The following PRMT8 variants were observed in gnomAD, a reference collection of about 807,000 sequenced individuals.
PRMT8 encodes the protein protein arginine methyltransferase 8.
PRMT8 carries 7 observed loss-of-function variants against 47.1 expected under a neutral mutation model. That is an observed-to-expected ratio of 0.15 (90% CI 0.08 to 0.28). The LOEUF (loss-of-function observed/expected upper bound fraction) is 0.28. Ranked by LOEUF, PRMT8 falls within the 10% of genes least tolerant of loss-of-function variation. PRMT8 has a pLI of 1.00. For missense variants in PRMT8, 237 were observed against 505.4 expected (o/e 0.47, Z 5.09); for synonymous variants, 188 against 186.5 (o/e 1.01, Z -0.07).
chr12:3,396,526 C>T (rs1018046817), intron 1 of PRMT8, among the ~76,000 whole-genome samples: 29 of 152,286 alleles, frequency 1.9e-4, no homozygotes, highest in Admixed American at 7.2e-4. Flanking sequence ...TCTTTGAGAA[C>T]GTTGAATATT....
intron 1 of PRMT8, among the ~76,000 whole-genome samples, chr12:3,410,916 C>G (rs1473409096): frequency 6.6e-6 from 1 of 152,176 alleles, no homozygotes; most frequent in African/African-American, 2.4e-5. Flanking sequence ...AAGTTCTAAA[C>G]ATTGTGTCTG....
In PRMT8 at chr12:3,392,824, A is replaced by T. The variant is rs377625068; in HGVS notation, c.48+11382A>T. On this transcript the variant is annotated intron_variant, in intron 1 of 9. Coordinates refer to the PRMT8 transcript ENST00000452611. ...AATGGTTGAACTAGTTTACAGTCCC[A>T]CCAACAGTGTAAAAGTGTTCCTATT... 3.0e-4 allele frequency among the ~76,000 whole-genome samples: 45 copies of T among 152,140 alleles called. No individual in the cohort carries two copies. The East Asian group carries it at 5.6e-3, about 19-fold the overall frequency.
At chr12:3,527,647 T>G (rs1865967580) in intron 1 of PRMT8, among the ~76,000 whole-genome samples, 1 of 152,154 alleles carries the variant, frequency 6.6e-6, no homozygotes, top group Non-Finnish European at 1.5e-5. Flanking sequence ...TTCCTATGTA[T>G]TTATAATTCT....
rs1308893877 is a variant in PRMT8 at position 3,557,361 on chromosome 12, G to C, written c.481+3647G>C. ...GTGATGGGCCGTGGGATCTAAGCTGGGCCAGGAAGGAAGCGGAGAAGGATG... is the reference window on the plus strand; with the variant it reads ...GTGATGGGCCGTGGGATCTAAGCTGCGCCAGGAAGGAAGCGGAGAAGGATG... On this transcript the variant is annotated intron_variant, in intron 4 of 9. Transcript: ENST00000382622. The surrounding 1 kb of genome is among the most constrained non-coding windows in gnomAD (Gnocchi z 4.7). Among the ~76,000 whole-genome samples the C allele has an allele frequency of 6.6e-6, 1 of 152,150 alleles. No individual in the cohort carries two copies. The highest frequency in any genetic ancestry group is 1.5e-5 in the Non-Finnish European group (1 of 68,028).
intron 1 of PRMT8, among the ~76,000 whole-genome samples, chr12:3,427,293 T>C (rs1864615770): frequency 6.6e-6 from 1 of 152,208 alleles, no homozygotes; most frequent in Non-Finnish European, 1.5e-5. Context: ...GTAAAATTTT[T>C]ATAGACTCTT....
intron 1 of PRMT8, among the ~76,000 whole-genome samples, chr12:3,440,135 C>A (rs1252226571): frequency 2.0e-5 from 3 of 152,264 alleles, no homozygotes; most frequent in South Asian, 4.1e-4. Flanking sequence ...AGATATTAGA[C>A]CTTGATAATT....
rs111362519 is a variant in PRMT8, at chr12:3,408,883, A to G, written c.48+27441A>G. Among the ~76,000 whole-genome samples, 373 of 152,262 alleles carry G rather than the reference A, an allele frequency of 2.4e-3. 7 individuals are homozygous for G. The South Asian group carries it at 0.03, about 12-fold the overall frequency. On this transcript the variant is annotated intron_variant, in intron 1 of 9. Coordinates refer to the PRMT8 transcript ENST00000452611. ...AGTGCCTCAGTAGTCTAGGCTGCAGAAGTTTGTGGCAGCAGTGTATGCTGT... is the reference window on the plus strand; with the variant it reads ...AGTGCCTCAGTAGTCTAGGCTGCAGGAGTTTGTGGCAGCAGTGTATGCTGT...
rs1866824411 is a variant in PRMT8 at position 3,570,357 on chromosome 12, G to A, written c.712+793G>A. Among the ~76,000 whole-genome samples the A allele has an allele frequency of 6.6e-6, 1 of 152,150 alleles. No individual in the cohort carries two copies. Among genetic ancestry groups the A allele is most frequent in the Non-Finnish European group, 1.5e-5 (1 of 68,028 alleles). On this transcript the variant is annotated intron_variant, in intron 6 of 9. Coordinates refer to ENST00000382622, the MANE Select transcript of PRMT8 (RefSeq NM_019854.5). This position sits in a 1 kb window ranked among gnomAD's most constrained non-coding sequence, Gnocchi z 5.5. Reference sequence around the variant, plus strand: ...AACATGTTTTTGTAAAGTTGAACATGGCTGTGTCTCCTCAACCAGAACCAA... The same window carrying A: ...AACATGTTTTTGTAAAGTTGAACATAGCTGTGTCTCCTCAACCAGAACCAA...
Position 3,583,245 on chromosome 12 carries a change from T to TCC in PRMT8, c.979+39_979+40dup, listed in dbSNP as rs769589541. ...GTTGCTTCCCAGAGCCTCCTCCCTC[T>TCC]CCCATGCTTCCTCAAGTCTTTGTGG... is the stretch of plus-strand genomic sequence containing the variant. On this transcript the variant is annotated intron_variant, in intron 8 of 9. Transcript: ENST00000382622. This position sits in a 1 kb window ranked among gnomAD's most constrained non-coding sequence, Gnocchi z 4.7. 1.1e-5 allele frequency: 18 copies of TCC among 1,575,560 alleles called. No homozygotes were observed. The Admixed American group carries it at 3.3e-4, about 29-fold the overall frequency.
intron 4 of PRMT8, among the ~76,000 whole-genome samples, chr12:3,565,700 C>CT (rs1866708115): frequency 6.6e-6 from 1 of 152,156 alleles, no homozygotes; most frequent in African/African-American, 2.4e-5. Context: ...TCTATATCGT[C>CT]TGTCTATCTA....
intron 6 of PRMT8, among the ~76,000 whole-genome samples, chr12:3,573,164 AT>A: frequency 6.6e-6 from 1 of 150,834 alleles, no homozygotes; most frequent in Non-Finnish European, 1.5e-5. Context: ...TGGATCCTCT[AT>A]TTTTTTCACC....
chr12:3,406,219 G>A (rs564936790), intron 1 of PRMT8, among the ~76,000 whole-genome samples: 1 of 152,344 alleles, frequency 6.6e-6, no homozygotes, highest in Admixed American at 6.5e-5. Context: ...GGGATTCAGG[G>A]GACAAGGTTC....
chr12:3,422,900 C>T (rs1864558582), intron 1 of PRMT8, among the ~76,000 whole-genome samples: 1 of 152,214 alleles, frequency 6.6e-6, no homozygotes, highest in South Asian at 2.1e-4. Flanking sequence ...TATCACTACC[C>T]ACGTCTTCTT....
intron 2 of PRMT8, among the ~76,000 whole-genome samples, chr12:3,548,102 A>C (rs1370455361): frequency 2.0e-5 from 3 of 152,216 alleles, no homozygotes; most frequent in Non-Finnish European, 4.4e-5. Flanking sequence ...ATTTTTGGTA[A>C]AGGTGACAAG....
chr12:3,489,838 C>T (rs1185700886), upstream of PRMT8, among the ~76,000 whole-genome samples: 1 of 140,274 alleles, frequency 7.1e-6, no homozygotes. Flanking sequence ...CACACACGCG[C>T]GCACACACAC....
intron 2 of PRMT8, 92 bp from the exon 3 acceptor site, chr12:3,549,844 G>A: frequency 6.8e-7 from 1 of 1,466,482 alleles, no homozygotes; most frequent in Non-Finnish European, 9.4e-7. Flanking sequence ...CTCCTGAAGG[G>A]TCACCTGGGG....
intron 1 of PRMT8, among the ~76,000 whole-genome samples, chr12:3,464,131 A>G (rs1419652813): frequency 3.9e-5 from 6 of 152,214 alleles, no homozygotes; most frequent in Non-Finnish European, 5.9e-5. Context: ...ACGGCACGTT[A>G]TTTTTATTAA....
chr12:3,424,991 G>A lies in PRMT8; in HGVS notation c.48+43549G>A, dbSNP rs115056308. The stretch of plus-strand genomic sequence containing the variant: ...CCTCAGAGTCACTTTGCAAGGGTTG[G>A]CGAAGCTGCTCCTGTCCACTTGCTG... On this transcript the variant is annotated intron_variant, in intron 1 of 9. Coordinates refer to the PRMT8 transcript ENST00000452611. Among the ~76,000 whole-genome samples, 652 of 152,302 alleles carry A rather than the reference G, an allele frequency of 4.3e-3. 6 individuals carry two copies. Among genetic ancestry groups the A allele is most frequent in the African/African-American group, 0.015 (622 of 41,564 alleles).
At chr12:3,504,539 TGAG>T (rs1252719524) in intron 1 of PRMT8, among the ~76,000 whole-genome samples, 1 of 111,188 alleles carries the variant, frequency 9.0e-6, no homozygotes, top group East Asian at 2.9e-4. Context: ...GGGACCCACT[TGAG>T]GAGGCAGTCT....
Sources: gnomAD v4.1 joint callset for allele counts (sites outside exome capture counted in the v4.1 genomes callset) on GRCh38, gnomAD v4.1.1 for gene constraint, Gnocchi (gnomAD v3.1) non-coding constraint, MANE v1.5 for transcripts, NCBI Gene and HGNC (gene_info 2026-07-23, HGNC 2026-07-21) for gene names.